Variants in PLEKHG1 observed in about 807,000 individuals in gnomAD.
PLEKHG1 encodes the protein pleckstrin homology and RhoGEF domain containing G1.
PLEKHG1 carries 44 observed loss-of-function variants against 100.8 expected under a neutral mutation model. The observed-to-expected ratio is 0.44, with a 90% CI of 0.34 to 0.56. PLEKHG1 has a LOEUF of 0.56. Among genes scored for constraint, PLEKHG1 ranks in the 20% least tolerant of loss-of-function variants. The probability of loss-of-function intolerance (pLI) is 0.01; values close to 1 mark genes in which losing one functional copy is unlikely to be tolerated. For synonymous variants in PLEKHG1, 640 were observed against 662.5 expected (o/e 0.97, Z 0.52); for missense variants, 1,545 against 1,720.9 (o/e 0.90, Z 1.81).
chr6:150,832,269 G>C, intron 15 of PLEKHG1, 64 bp downstream of exon 16: 1 of 1,363,820 alleles, frequency 7.3e-7, no homozygotes, highest in Non-Finnish European at 9.9e-7. Context: ...TCAGATTTCA[G>C]ATGTCCTTAA....
intron 10 of PLEKHG1, among the ~76,000 whole-genome samples, chr6:150,813,068 G>T (rs895371934): frequency 1.3e-4 from 20 of 152,110 alleles, no homozygotes; most frequent in Non-Finnish European, 1.5e-5. Context: ...CACTTTGGGA[G>T]GCGGAGGCGG....
chr6:150,629,191 C>A (rs1322113398), intron 1 of PLEKHG1, among the ~76,000 whole-genome samples: 1 of 152,164 alleles, frequency 6.6e-6, no homozygotes, highest in African/African-American at 2.4e-5. Flanking sequence ...TGAAGCGATG[C>A]TTCTCACAGC....
intron 1 of PLEKHG1, among the ~76,000 whole-genome samples, chr6:150,623,706 G>A (rs1040129793): frequency 2.6e-5 from 4 of 152,154 alleles, no homozygotes; most frequent in Non-Finnish European, 5.9e-5. Flanking sequence ...TGTTTGGATC[G>A]CATGGCCTTG....
At chr6:150,757,683 T>C (rs1783919169) in intron 2 of PLEKHG1, among the ~76,000 whole-genome samples, 1 of 152,196 alleles carries the variant, frequency 6.6e-6, no homozygotes, top group Non-Finnish European at 1.5e-5. Context: ...GTGATAGGGA[T>C]TCTTTTTTTC....
At chr6:150,723,148 C>T (rs1040019992) in intron 1 of PLEKHG1, among the ~76,000 whole-genome samples, 17 of 152,138 alleles carry the variant, frequency 1.1e-4, no homozygotes, top group African/African-American at 4.1e-4. Flanking sequence ...GGATTGGAGT[C>T]ATGGCCCAAA....
intron 1 of PLEKHG1, among the ~76,000 whole-genome samples, chr6:150,729,813 A>G (rs1782152621): frequency 6.6e-6 from 1 of 152,084 alleles, no homozygotes; most frequent in African/African-American, 2.4e-5. Flanking sequence ...GAACATTTGA[A>G]GCTTTCCCCG....
rs58003146 is a variant in PLEKHG1 at position 150,742,564 on chromosome 6, CAAAAAAAAAAAA to C, written c.411+8489_411+8500del. 8.3e-5 allele frequency among the ~76,000 whole-genome samples: 4 copies of C among 48,368 alleles called. 1 individual carries two copies. The East Asian group carries it at 2.1e-3, about 25-fold the overall frequency. The allele number at this position is 48,368 out of a possible 152,430, so 31.7% of individuals were successfully genotyped here. On this transcript the variant is annotated intron_variant, in intron 2 of 15. Coordinates refer to ENST00000358517, the Ensembl canonical transcript of PLEKHG1. ...TAGGCAATAGAGTGAGACTCCATCT[CAAAAAAAAAAAA>C]AAAAAAAAAAAAAAAAGAGCGCAGG...
chr6:150,629,627 A>G (rs528219647), intron 1 of PLEKHG1, among the ~76,000 whole-genome samples: 28 of 152,204 alleles, frequency 1.8e-4, no homozygotes, highest in African/African-American at 6.3e-4. Flanking sequence ...CGCCCAGCTA[A>G]TTTTTGTATT....
intron 1 of PLEKHG1, among the ~76,000 whole-genome samples, chr6:150,609,844 A>G (rs567652673): frequency 6.6e-6 from 1 of 152,368 alleles, no homozygotes; most frequent in Admixed American, 6.5e-5. Flanking sequence ...AGGCAGCCAC[A>G]GGAGAAAGAA....
intron 3 of PLEKHG1, among the ~76,000 whole-genome samples, chr6:150,711,649 A>G (rs7769973): frequency 6.6e-6 from 1 of 151,878 alleles, no homozygotes; most frequent in Non-Finnish European, 1.5e-5. Flanking sequence ...TCATAGGATT[A>G]TTTTTAGTCC....
intron 1 of PLEKHG1, among the ~76,000 whole-genome samples, chr6:150,627,226 A>G (rs964684363): frequency 1.3e-5 from 2 of 152,248 alleles, no homozygotes; most frequent in Non-Finnish European, 2.9e-5. Context: ...TTTTTGTGGC[A>G]GTCAGAGATG....
chr6:150,727,118 G>A (rs74356775), intron 1 of PLEKHG1, among the ~76,000 whole-genome samples: 5,678 of 152,198 alleles, frequency 0.037, 164 homozygotes, highest in African/African-American at 0.079. Context: ...CTACTCATTG[G>A]TACTGAACAC....
At chr6:150,754,857 A>G (rs1271144699) in intron 2 of PLEKHG1, among the ~76,000 whole-genome samples, 2 of 151,918 alleles carry the variant, frequency 1.3e-5, no homozygotes, top group Non-Finnish European at 2.9e-5. Context: ...ATTAGTAGAG[A>G]CAGGATTTCT....
At chr6:150,780,007 C>G (rs984088968) in intron 3 of PLEKHG1, among the ~76,000 whole-genome samples, 1 of 151,782 alleles carries the variant, frequency 6.6e-6, no homozygotes, top group Non-Finnish European at 1.5e-5. Flanking sequence ...GCTCACAGTT[C>G]TTCTCTGCTC....
intron 3 of PLEKHG1, among the ~76,000 whole-genome samples, chr6:150,776,094 G>A (rs111303257): frequency 2.0e-5 from 3 of 152,154 alleles, no homozygotes; most frequent in African/African-American, 4.8e-5. Context: ...CTCAAAGTTC[G>A]CATCAGGGGT....
intron 2 of PLEKHG1, among the ~76,000 whole-genome samples, chr6:150,646,451 G>A (rs1778502593): frequency 6.6e-6 from 1 of 152,080 alleles, no homozygotes; most frequent in African/African-American, 2.4e-5. Context: ...GTAGGGCAAG[G>A]GAGAGGAAAA....
intron 2 of PLEKHG1, among the ~76,000 whole-genome samples, chr6:150,764,073 C>A (rs1265693657): frequency 6.6e-6 from 1 of 152,094 alleles, no homozygotes; most frequent in Non-Finnish European, 1.5e-5. Flanking sequence ...ATCACCTAAC[C>A]AGCCTCCCCA....
chr6:150,640,807 T>C (rs1328026723), intron 2 of PLEKHG1, among the ~76,000 whole-genome samples: 2 of 152,192 alleles, frequency 1.3e-5, no homozygotes, highest in African/African-American at 2.4e-5. Flanking sequence ...GCATCTGCCA[T>C]GTGCTGGGCA....
intron 3 of PLEKHG1, among the ~76,000 whole-genome samples, chr6:150,691,856 G>C (rs1780359119): frequency 1.3e-5 from 2 of 152,226 alleles, no homozygotes; most frequent in African/African-American, 4.8e-5. Context: ...TGAGGACTTG[G>C]GAAAAGTTTT....
Sources: allele counts gnomAD v4.1 joint callset (sites outside exome capture counted in the v4.1 genomes callset), GRCh38; gene constraint gnomAD v4.1.1; transcripts MANE v1.5; gene names NCBI Gene and HGNC (gene_info 2026-07-23, HGNC 2026-07-21).